Variants in MYO16 observed in about 807,000 individuals in gnomAD.
The protein encoded by MYO16 is unconventional myosin-XVI.
Under a neutral mutation model 205.3 loss-of-function variants are expected in MYO16, and 94 were observed. The ratio of observed to expected loss-of-function variants is 0.46; its 90% CI spans 0.39 to 0.54. The LOEUF (loss-of-function observed/expected upper bound fraction) is 0.54, where lower values mean the gene tolerates loss of function less well. Ranked by LOEUF, MYO16 falls within the 20% of genes least tolerant of loss-of-function variation. The pLI is 0.00. For synonymous variants in MYO16, 988 were observed against 954.0 expected (o/e 1.04, Z -0.66); for missense variants, 2,315 against 2,387.5 (o/e 0.97, Z 0.63).
chr13:108,609,978 C>A (rs1009946544), intron 1 of MYO16, among the ~76,000 whole-genome samples: 1 of 152,014 alleles, frequency 6.6e-6, no homozygotes, highest in Non-Finnish European at 1.5e-5. Flanking sequence ...AATTGTCAGA[C>A]CGTCCTGACA....
intron 9 of MYO16, among the ~76,000 whole-genome samples, chr13:108,826,370 T>C (rs1486245546): frequency 2.6e-5 from 4 of 152,078 alleles, no homozygotes; most frequent in Non-Finnish European, 5.9e-5. Context: ...GATATTCACA[T>C]GCAAAATAAT....
At chr13:108,882,967 G>A (rs962154151) in intron 12 of MYO16, 92 bp from the exon 13 acceptor site, 3 of 1,502,650 alleles carry the variant, frequency 2.0e-6, no homozygotes, top group Non-Finnish European at 2.7e-6. Flanking sequence ...ATTCACTTCT[G>A]TATCTTGGAC....
chr13:109,207,614 T>G lies in MYO16; in HGVS notation c.*778T>G, dbSNP rs184386758. The stretch of plus-strand genomic sequence containing the variant: ...GGATTGTGTACCCTTTAGTTAAATT[T>G]CACCTCCCGACTTCAGCATAGATCA... On this transcript the variant is annotated 3_prime_UTR_variant, in exon 35 of 35. Coordinates refer to ENST00000457511, the MANE Select transcript of MYO16 (RefSeq NM_001198950.3). 2.0e-5 allele frequency: 3 copies of G among 152,334 alleles called. No homozygotes were observed. 9.4% of individuals were successfully genotyped at this position (152,334 alleles called of 1,614,324 possible).
At chr13:109,022,851 A>G (rs1422641380) in intron 23 of MYO16, among the ~76,000 whole-genome samples, 2 of 135,610 alleles carry the variant, frequency 1.5e-5, no homozygotes, top group Admixed American at 7.8e-5. Context: ...ATATTTATAT[A>G]TTATACTCAA....
intron 17 of MYO16, among the ~76,000 whole-genome samples, chr13:108,959,168 T>A (rs1185737707): frequency 6.6e-6 from 1 of 152,128 alleles, no homozygotes; most frequent in East Asian, 1.9e-4. Flanking sequence ...TCGAGGAGCC[T>A]GCAATCACAT....
At chr13:109,098,635 C>T (rs1888855427) in intron 27 of MYO16, among the ~76,000 whole-genome samples, 2 of 152,138 alleles carry the variant, frequency 1.3e-5, no homozygotes, top group Admixed American at 6.5e-5. Context: ...GCTGAGCATA[C>T]TTCTCAGATG....
chr13:108,836,344 G>C (rs774214072), intron 9 of MYO16, among the ~76,000 whole-genome samples: 1 of 152,200 alleles, frequency 6.6e-6, no homozygotes, highest in Non-Finnish European at 1.5e-5. Flanking sequence ...AGGATGTATG[G>C]AAACATCTGA....
intron 1 of MYO16, among the ~76,000 whole-genome samples, chr13:108,655,550 G>T (rs1341879863): frequency 6.6e-6 from 1 of 152,170 alleles, no homozygotes; most frequent in African/African-American, 2.4e-5. Context: ...CTGGGGCACT[G>T]CCTAGTGGAG....
chr13:108,782,385 A>T (rs372614991), intron 4 of MYO16, among the ~76,000 whole-genome samples: 3 of 152,338 alleles, frequency 2.0e-5, no homozygotes, highest in African/African-American at 7.2e-5. Context: ...TGGCAGAAGA[A>T]ATGTCTAAGC....
chr13:109,038,882 A>G lies in MYO16; in HGVS notation c.2797-8034A>G, dbSNP rs550384619. ...TCTTATTACTGTGCTAAGATTCTAA[A>G]TGGATATTTTTCTCCTAGCTCCCTG... On this transcript the variant is annotated intron_variant, in intron 23 of 34. Transcript: ENST00000457511. Among the ~76,000 whole-genome samples the G allele has an allele frequency of 9.6e-4, 146 of 152,246 alleles. 1 individual carries two copies. Among genetic ancestry groups the G allele is most frequent in the African/African-American group, 3.3e-3 (137 of 41,558 alleles).
intron 31 of MYO16, among the ~76,000 whole-genome samples, chr13:109,130,567 G>A (rs1876485480): frequency 6.6e-6 from 1 of 152,196 alleles, no homozygotes; most frequent in Admixed American, 6.5e-5. Context: ...ACAGCATTAG[G>A]GAGTCAGAGA....
In MYO16 at chr13:109,019,714, C is replaced by T. The variant is rs1373481921; in HGVS notation, c.2599C>T (p.Pro867Ser). The change falls in exon 23 of 35, where the codon CCA becomes TCA. Residue 867 changes from proline to serine, a missense_variant. This residue lies in a region of MYO16 where 1,213 missense variants were observed against 1,274.4 expected (regional missense o/e 0.95). Coordinates refer to ENST00000457511, the MANE Select transcript of MYO16 (RefSeq NM_001198950.3). The stretch of plus-strand genomic sequence containing the variant: ...CCCATCTCTTCTTAACTCTCAGAAG[C>T]CATCTGGATTTCTCACCTTATTGGA... ...NGVLDFFFQK[P>S]SGFLTLLDEE... is the part of the protein sequence containing the mutation. 1 of 1,612,990 alleles carries T rather than the reference C, an allele frequency of 6.2e-7. No homozygotes were observed. Among genetic ancestry groups the T allele is most frequent in the Non-Finnish European group, 8.5e-7 (1 of 1,179,254 alleles).
chr13:108,759,683 T>C (rs1022863261), intron 4 of MYO16, among the ~76,000 whole-genome samples: 4 of 151,272 alleles, frequency 2.6e-5, no homozygotes, highest in Middle Eastern at 3.4e-3. Flanking sequence ...TAGCCAGGCG[T>C]GGGGGCAGGC....
At chr13:108,695,725 T>A (rs1449783236) in intron 2 of MYO16, among the ~76,000 whole-genome samples, 4 of 152,108 alleles carry the variant, frequency 2.6e-5, no homozygotes, top group East Asian at 1.9e-4. Context: ...TAGCAAAAAA[T>A]TTTATATTCA....
chr13:108,545,618 C>G, the MYO16 span, among the ~76,000 whole-genome samples: 2 of 152,332 alleles, frequency 1.3e-5, no homozygotes, highest in Admixed American at 6.5e-5. Context: ...TTCCCACCAG[C>G]AGTGTACATG....
chr13:109,156,552 C>T (rs1878048411), intron 32 of MYO16, among the ~76,000 whole-genome samples: 1 of 152,182 alleles, frequency 6.6e-6, no homozygotes, highest in African/African-American at 2.4e-5. Flanking sequence ...AAACCCGGAT[C>T]CCATCTCATA....
At chr13:108,530,731 A>G in the MYO16 span, among the ~76,000 whole-genome samples, 1 of 152,226 alleles carries the variant, frequency 6.6e-6, no homozygotes, top group African/African-American at 2.4e-5. Flanking sequence ...TATACAATAT[A>G]ATGTTATGTT....
intron 6 of MYO16, among the ~76,000 whole-genome samples, chr13:108,796,385 A>G (rs976802662): frequency 2.0e-5 from 3 of 152,168 alleles, no homozygotes; most frequent in African/African-American, 7.2e-5. Context: ...TAGAACTAGA[A>G]ATACCATTTG....
intron 16 of MYO16, among the ~76,000 whole-genome samples, chr13:108,951,348 T>C (rs1258231903): frequency 1.3e-5 from 2 of 152,062 alleles, no homozygotes; most frequent in Admixed American, 6.5e-5. Context: ...ATGAAGTTAA[T>C]CAATGGAAAG....
Sources: gnomAD v4.1 joint callset for allele counts (sites outside exome capture counted in the v4.1 genomes callset) on GRCh38, gnomAD v4.1.1 for gene constraint, gnomAD v4.1.1 regional missense constraint, MANE v1.5 for transcripts, NCBI Gene and HGNC (gene_info 2026-07-23, HGNC 2026-07-21) for gene names.